Variants in SLC1A2 observed in about 807,000 individuals in gnomAD.
SLC1A2 encodes excitatory amino acid transporter 2.
Under a neutral mutation model 48.8 loss-of-function variants are expected in SLC1A2, and 15 were observed. The ratio of observed to expected loss-of-function variants is 0.31; its 90% CI spans 0.21 to 0.47. The LOEUF is 0.47. Ranked by LOEUF, SLC1A2 falls within the 20% of genes least tolerant of loss-of-function variation. The probability of loss-of-function intolerance (pLI) is 0.99; values close to 1 mark genes in which losing one functional copy is unlikely to be tolerated. For synonymous variants in SLC1A2, 279 were observed against 272.6 expected, an observed-to-expected ratio of 1.02 and a Z score of -0.23; for missense variants, 502 against 730.5, an observed-to-expected ratio of 0.69 and a Z score of 3.61.
intron 1 of SLC1A2, among the ~76,000 whole-genome samples, chr11:35,416,851 C>T (rs547226928): frequency 6.6e-5 from 10 of 152,306 alleles, no homozygotes; most frequent in East Asian, 3.9e-4. Flanking sequence ...CATGAGTCCA[C>T]GTGAACAATT....
intron 2 of SLC1A2, chr11:35,316,571 G>C (rs1189129853): frequency 1.3e-5 from 2 of 152,314 alleles, no homozygotes; most frequent in Admixed American, 1.3e-4. Flanking sequence ...CAAAGGAAAG[G>C]CCATGGAATG....
chr11:35,320,171 A>G (rs1299368473), intron 1 of SLC1A2, among the ~76,000 whole-genome samples: 1 of 152,206 alleles, frequency 6.6e-6, no homozygotes, highest in Non-Finnish European at 1.5e-5. Context: ...AATAAGATAT[A>G]AGTTTTAAAA....
chr11:35,355,596 CTTAG>C (rs752605020), intron 1 of SLC1A2, among the ~76,000 whole-genome samples: 9 of 152,140 alleles, frequency 5.9e-5, no homozygotes, highest in African/African-American at 1.2e-4. Flanking sequence ...GTCTTAACAT[CTTAG>C]TTGGTTGGGC....
intron 9 of SLC1A2, among the ~76,000 whole-genome samples, chr11:35,278,052 TAACC>T (rs1850498999): frequency 1.3e-5 from 2 of 152,078 alleles, no homozygotes; most frequent in Non-Finnish European, 2.9e-5. Context: ...ACACAGAGAA[TAACC>T]AAGCTAGCAG....
chr11:35,406,692 A>G (rs1855306131), intron 1 of SLC1A2, among the ~76,000 whole-genome samples: 1 of 152,176 alleles, frequency 6.6e-6, no homozygotes, highest in African/African-American at 2.4e-5. Context: ...CTCTAAACAG[A>G]TAGAATTTAC....
At chr11:35,353,169 A>G (rs1304320143) in intron 1 of SLC1A2, among the ~76,000 whole-genome samples, 2 of 152,182 alleles carry the variant, frequency 1.3e-5, no homozygotes, top group Non-Finnish European at 2.9e-5. Flanking sequence ...GCAATTTACA[A>G]CTAAGGGTGA....
chr11:35,284,381 T>C (rs1850746252), intron 8 of SLC1A2, among the ~76,000 whole-genome samples: 1 of 152,122 alleles, frequency 6.6e-6, no homozygotes, highest in African/African-American at 2.4e-5. Flanking sequence ...ACTTAAATTA[T>C]AGTTGTTCCT....
At chr11:35,332,775 C>T (rs1404303634) in intron 1 of SLC1A2, among the ~76,000 whole-genome samples, 1 of 152,176 alleles carries the variant, frequency 6.6e-6, no homozygotes, top group Non-Finnish European at 1.5e-5. Flanking sequence ...GATTCGACTC[C>T]ACAGTTCCTT....
chr11:35,406,762 G>A (rs1855307988), intron 1 of SLC1A2, among the ~76,000 whole-genome samples: 1 of 152,158 alleles, frequency 6.6e-6, no homozygotes, highest in Middle Eastern at 3.4e-3. Context: ...AAAATCAAGA[G>A]TTCCATTGTA....
chr11:35,349,605 G>A (rs754694173), intron 1 of SLC1A2, among the ~76,000 whole-genome samples: 4 of 152,096 alleles, frequency 2.6e-5, no homozygotes, highest in Admixed American at 6.5e-5. Flanking sequence ...TAGCCACCCA[G>A]GTATCTGAGA....
intron 9 of SLC1A2, among the ~76,000 whole-genome samples, chr11:35,277,570 A>T (rs905764378): frequency 2.0e-4 from 31 of 152,174 alleles, no homozygotes; most frequent in Non-Finnish European, 3.8e-4. Context: ...AATATTTTTT[A>T]AAAAGATGAA....
intron 1 of SLC1A2, chr11:35,413,617 A>G (rs1388298287): frequency 6.6e-6 from 1 of 152,186 alleles, no homozygotes; most frequent in African/African-American, 2.4e-5. Context: ...CAATTAAAAC[A>G]TGTTCAAAAT....
At chr11:35,389,502 C>T (rs1273456035) in intron 1 of SLC1A2, among the ~76,000 whole-genome samples, 3 of 151,826 alleles carry the variant, frequency 2.0e-5, no homozygotes. Flanking sequence ...CAGAGCTTCA[C>T]TCTTGTCACC....
chr11:35,360,839 A>G (rs1853655217), intron 1 of SLC1A2, among the ~76,000 whole-genome samples: 1 of 151,984 alleles, frequency 6.6e-6, no homozygotes, highest in African/African-American at 2.4e-5. Context: ...AACACTAATC[A>G]CCTAAAATGT....
chr11:35,260,256 T>C lies in SLC1A2; in HGVS notation c.*638A>G, dbSNP rs1222946664. 3 of 152,398 alleles carry C rather than the reference T, an allele frequency of 2.0e-5. No individual in the cohort carries two copies. The highest frequency in any genetic ancestry group is 2.9e-5 in the Non-Finnish European group (2 of 68,162). The allele number at this position is 152,398 out of a possible 1,614,324, so 9.4% of individuals were successfully genotyped here. ...GATTACACAGGGTAAGGCAGAGATG[T>C]AACAGGTTCTTTAATCAACTGCCTT... On this transcript the variant is annotated 3_prime_UTR_variant, in exon 11 of 11. Coordinates refer to ENST00000278379, the MANE Select transcript of SLC1A2 (RefSeq NM_004171.4).
At chr11:35,320,149 A>G (rs764646444) in intron 1 of SLC1A2, among the ~76,000 whole-genome samples, 1 of 152,234 alleles carries the variant, frequency 6.6e-6, no homozygotes, top group Non-Finnish European at 1.5e-5. Flanking sequence ...TTCTAAGCCT[A>G]TATACCTTTA....
chr11:35,317,767 G>A lies in SLC1A2; in HGVS notation c.18-251C>T, dbSNP rs557968479. 6.6e-5 allele frequency among the ~76,000 whole-genome samples: 10 copies of A among 152,310 alleles called. 1 individual carries two copies. The East Asian group carries it at 7.7e-4, about 12-fold the overall frequency. On this transcript the variant is annotated intron_variant, in intron 1 of 10. Coordinates refer to ENST00000278379, the MANE Select transcript of SLC1A2 (RefSeq NM_004171.4). ...AGGATCTTCCAAAGAGTTGCCCCCCGTGGTAACTTGGGGAAGGAAGTTATC... is the reference window on the plus strand; with the variant it reads ...AGGATCTTCCAAAGAGTTGCCCCCCATGGTAACTTGGGGAAGGAAGTTATC...
At chr11:35,300,458 A>G (rs1244841958) in intron 6 of SLC1A2, among the ~76,000 whole-genome samples, 2 of 152,228 alleles carry the variant, frequency 1.3e-5, no homozygotes, top group Non-Finnish European at 2.9e-5. Context: ...GCCCTCTTCA[A>G]TGGAATTAGT....
chr11:35,292,671 T>C, intron 6 of SLC1A2, 151 bp from the exon 7 acceptor site: 1 of 586,142 alleles, frequency 1.7e-6, no homozygotes, highest in South Asian at 2.4e-5. Context: ...TTTTTTACTT[T>C]GGACCACTTC....
Sources: gnomAD v4.1 joint callset for allele counts (sites outside exome capture counted in the v4.1 genomes callset) on GRCh38, gnomAD v4.1.1 for gene constraint, MANE v1.5 for transcripts, NCBI Gene and HGNC (gene_info 2026-07-23, HGNC 2026-07-21) for gene names.